The following GLIPR1L2 variants were observed in gnomAD, a reference collection of about 807,000 sequenced individuals.
GLIPR1L2 encodes the protein GLIPR1 like 2, also known as GLIPR1-like protein 2.
In GLIPR1L2, 21 loss-of-function variants were observed where a neutral mutation model predicts 28.4. That is an observed-to-expected ratio of 0.74 (90% CI 0.52 to 1.06). GLIPR1L2 has a LOEUF of 1.06. Among genes scored for constraint, GLIPR1L2 ranks in the 50% least tolerant of loss-of-function variants. The pLI is 0.00. For missense variants in GLIPR1L2, 476 were observed against 416.9 expected (o/e 1.14, Z -1.23); for synonymous variants, 145 against 139.3 (o/e 1.04, Z -0.29).
chr12:75,411,076 A>G (rs2045862117), intron 2 of GLIPR1L2, among the ~76,000 whole-genome samples: 1 of 151,866 alleles, frequency 6.6e-6, no homozygotes, highest in African/African-American at 2.4e-5. Flanking sequence ...AACATTTGAA[A>G]TGCAAATTAA....
chr12:75,393,470 A>G (rs1164047507), intron 1 of GLIPR1L2, among the ~76,000 whole-genome samples: 1 of 152,116 alleles, frequency 6.6e-6, no homozygotes, highest in Non-Finnish European at 1.5e-5. Context: ...TTCTTAAGGT[A>G]CCAAATATAA....
At position 75,391,104 on chromosome 12, in the gene GLIPR1L2, C is replaced by A. The variant is rs767896818; in HGVS notation, c.-13C>A. On this transcript the variant is annotated 5_prime_UTR_variant, in exon 1 of 6. Transcript: ENST00000550916. ...CAGCGCGTGCGCACTGGCCTGTCAG[C>A]GGCCGGTGGACCATGGAGGCCGCAA... 2 of 1,594,476 alleles carry A rather than the reference C, an allele frequency of 1.3e-6. No individual in the cohort carries two copies. Among genetic ancestry groups the A allele is most frequent in the Non-Finnish European group, 1.7e-6 (2 of 1,164,456 alleles).
intron 3 of GLIPR1L2, among the ~76,000 whole-genome samples, chr12:75,417,160 A>G (rs1015165610): frequency 6.6e-6 from 1 of 152,072 alleles, no homozygotes; most frequent in Non-Finnish European, 1.5e-5. Flanking sequence ...GGATCTTGAG[A>G]GGAGCTTATT....
At chr12:75,403,649 C>G (rs141714326) in intron 1 of GLIPR1L2, among the ~76,000 whole-genome samples, 228 of 152,156 alleles carry the variant, frequency 1.5e-3, no homozygotes, top group African/African-American at 5.3e-3. Context: ...CTCTAAGACC[C>G]CTCCCTTCCC....
In GLIPR1L2 at chr12:75,407,279, AT is replaced by A. The variant is rs550303452; in HGVS notation, c.235-3148del. Among the ~76,000 whole-genome samples, 4 of 152,108 alleles carry A rather than the reference AT, an allele frequency of 2.6e-5. 1 individual carries two copies. In the South Asian group the frequency reaches 8.3e-4, roughly 32 times the overall value. ...TACTGTGTTAACAAGTGTCATGAAT[AT>A]TTTTTTCTTCAATAATGAAATTTTT... On this transcript the variant is annotated intron_variant, in intron 1 of 5. Transcript: ENST00000550916.
intron 1 of GLIPR1L2, among the ~76,000 whole-genome samples, chr12:75,402,802 A>G (rs2045756727): frequency 6.6e-6 from 1 of 152,126 alleles, no homozygotes; most frequent in Admixed American, 6.5e-5. Flanking sequence ...TTTAGCAAGA[A>G]TCCCCCTACC....
chr12:75,402,434 A>C (rs1380230664), intron 1 of GLIPR1L2, among the ~76,000 whole-genome samples: 1 of 152,232 alleles, frequency 6.6e-6, no homozygotes, highest in Non-Finnish European at 1.5e-5. Context: ...CAAATGTGAT[A>C]AACATAACAA....
At chr12:75,419,570 A>G (rs1472886133) in intron 3 of GLIPR1L2, among the ~76,000 whole-genome samples, 3 of 152,200 alleles carry the variant, frequency 2.0e-5, no homozygotes, top group Non-Finnish European at 4.4e-5. Flanking sequence ...TCTTCAGTGA[A>G]TAAGGAGGCA....
At chr12:75,427,917 C>A (rs1412062190) in intron 4 of GLIPR1L2, among the ~76,000 whole-genome samples, 3 of 152,192 alleles carry the variant, frequency 2.0e-5, no homozygotes, top group African/African-American at 2.4e-5. Context: ...GTCAATTAAA[C>A]CTCCTTTCTT....
At chr12:75,409,689 A>G (rs2045842890) in intron 1 of GLIPR1L2, among the ~76,000 whole-genome samples, 1 of 146,920 alleles carries the variant, frequency 6.8e-6, no homozygotes, top group South Asian at 2.1e-4. Context: ...TATAAGGTAT[A>G]TATCTAATCC....
At chr12:75,428,133 A>G (rs2139968372) in intron 4 of GLIPR1L2, among the ~76,000 whole-genome samples, 1 of 152,330 alleles carries the variant, frequency 6.6e-6, no homozygotes, top group East Asian at 1.9e-4. Context: ...GGAACTTTCT[A>G]GAGTCTTGTT....
intron 3 of GLIPR1L2, 118 bp from the exon 4 acceptor site, chr12:75,422,786 G>A: frequency 1.4e-6 from 1 of 735,586 alleles, no homozygotes; most frequent in South Asian, 1.8e-5. Context: ...ATTTCCTTAA[G>A]TCCAGTTTCT....
intron 1 of GLIPR1L2, among the ~76,000 whole-genome samples, chr12:75,394,902 A>T (rs1167038365): frequency 6.6e-6 from 1 of 151,750 alleles, no homozygotes; most frequent in Admixed American, 6.6e-5. Context: ...ACTTTCTAAT[A>T]TCCACCTTAA....
intron 4 of GLIPR1L2, among the ~76,000 whole-genome samples, chr12:75,428,710 C>G (rs1488864074): frequency 6.6e-6 from 1 of 152,190 alleles, no homozygotes; most frequent in Non-Finnish European, 1.5e-5. Flanking sequence ...ATGGGCCAGG[C>G]CCAGTCCCCG....
intron 4 of GLIPR1L2, among the ~76,000 whole-genome samples, chr12:75,427,186 A>G (rs2046042731): frequency 6.6e-6 from 1 of 151,896 alleles, no homozygotes; most frequent in African/African-American, 2.4e-5. Flanking sequence ...GCTGACAAAC[A>G]ATAGAGGTGT....
chr12:75,423,760 C>G (rs2046004087), intron 4 of GLIPR1L2: 1 of 152,246 alleles, frequency 6.6e-6, no homozygotes, highest in Non-Finnish European at 1.5e-5. Context: ...ATGTTCTTCT[C>G]CCTGTGTCCA....
chr12:75,409,578 T>TATAC (rs561488674), intron 1 of GLIPR1L2, among the ~76,000 whole-genome samples: 5,812 of 147,006 alleles, frequency 0.04, 132 homozygotes, highest in East Asian at 0.05. Context: ...TATATATATA[T>TATAC]ACACACACAC....
At chr12:75,401,941 GTAAAAT>G (rs981528821) in intron 1 of GLIPR1L2, among the ~76,000 whole-genome samples, 3 of 151,970 alleles carry the variant, frequency 2.0e-5, no homozygotes, top group African/African-American at 7.2e-5. Context: ...AGCTGTATAA[GTAAAAT>G]TAATGAAAAA....
At chr12:75,407,868 T>C (rs2045820270) in intron 1 of GLIPR1L2, among the ~76,000 whole-genome samples, 1 of 152,092 alleles carries the variant, frequency 6.6e-6, no homozygotes, top group Non-Finnish European at 1.5e-5. Flanking sequence ...AGTAGTTCCC[T>C]CATTAATTAA....
Sources: gnomAD v4.1 joint callset for allele counts (sites outside exome capture counted in the v4.1 genomes callset) on GRCh38, gnomAD v4.1.1 for gene constraint, MANE v1.5 for transcripts, NCBI Gene and HGNC (gene_info 2026-07-23, HGNC 2026-07-21) for gene names.